MTAP: variants seen among roughly 807,000 people sequenced by gnomAD.
The protein encoded by MTAP is methylthioadenosine phosphorylase, also known as S-methyl-5'-thioadenosine phosphorylase.
Under a neutral mutation model 33.6 loss-of-function variants are expected in MTAP, and 33 were observed. The ratio of observed to expected loss-of-function variants is 0.98; its 90% CI spans 0.74 to 1.31. The LOEUF (loss-of-function observed/expected upper bound fraction) is 1.31. Among genes scored for constraint, MTAP ranks in the 40% most tolerant of loss-of-function variants. MTAP has a pLI of 0.00. For missense variants in MTAP, 367 were observed against 360.0 expected, an observed-to-expected ratio of 1.02 and a Z score of -0.16; for synonymous variants, 148 against 125.7, an observed-to-expected ratio of 1.18 and a Z score of -1.19.
At chr9:21,881,479 T>TG (rs1191049101) in intron 1 of MTAP, among the ~76,000 whole-genome samples, 2 of 152,018 alleles carry the variant, frequency 1.3e-5, no homozygotes, top group Non-Finnish European at 2.9e-5. Flanking sequence ...GAGCAGCACT[T>TG]GCAAACCATA....
At chr9:21,858,260 AG>A (rs1825679906) in intron 6 of MTAP, among the ~76,000 whole-genome samples, 1 of 152,238 alleles carries the variant, frequency 6.6e-6, no homozygotes, top group South Asian at 2.1e-4. Flanking sequence ...ACATCTTTCT[AG>A]ACCATATTAA....
intron 1 of MTAP, among the ~76,000 whole-genome samples, chr9:21,890,020 T>C (rs1042453420): frequency 2.0e-5 from 3 of 152,112 alleles, no homozygotes; most frequent in African/African-American, 7.2e-5. Context: ...AGATTATGTC[T>C]TTTGTCTTCA....
intron 1 of MTAP, among the ~76,000 whole-genome samples, chr9:21,896,652 G>A (rs1353574980): frequency 1.3e-5 from 2 of 152,022 alleles, no homozygotes; most frequent in East Asian, 3.9e-4. Context: ...ATAAATTCCT[G>A]GATACATACA....
chr9:21,822,443 G>A (rs934003223), intron 4 of MTAP, among the ~76,000 whole-genome samples: 6 of 152,022 alleles, frequency 3.9e-5, no homozygotes, highest in African/African-American at 7.2e-5. Flanking sequence ...AGCAGTTTTG[G>A]GTGAGTTTCT....
chr9:21,882,857 A>G (rs1187309331), intron 1 of MTAP, among the ~76,000 whole-genome samples: 2 of 152,064 alleles, frequency 1.3e-5, no homozygotes, highest in Non-Finnish European at 2.9e-5. Context: ...ACACTTTTAA[A>G]TAATTCATAT....
At chr9:21,821,521 G>A (rs1824638705) in intron 4 of MTAP, among the ~76,000 whole-genome samples, 3 of 152,314 alleles carry the variant, frequency 2.0e-5, no homozygotes, top group South Asian at 2.1e-4. Context: ...GCTGGATTCA[G>A]TTTGCCAGTA....
rs35709813 is a variant in MTAP at position 21,818,317 on chromosome 9, CTTTTTTTTTTT to C, written c.347+132_347+142del. ...GAGGGCAGTGCCACAGACTCGCTTG[CTTTTTTTTTTT>C]TTTTTTTTTTTTTTTTGGAGACGGA... On this transcript the variant is annotated intron_variant, in intron 4 of 7. Transcript: ENST00000644715. 2.6e-4 allele frequency: 63 copies of C among 240,894 alleles called. 1 individual carries two copies. The highest frequency in any genetic ancestry group is 1.4e-3 in the African/African-American group (33 of 23,788). 14.9% of individuals were successfully genotyped at this position (240,894 alleles called of 1,614,324 possible).
chr9:21,820,022 T>C (rs201226357), intron 4 of MTAP, among the ~76,000 whole-genome samples: 1 of 152,190 alleles, frequency 6.6e-6, no homozygotes, highest in Non-Finnish European at 1.5e-5. Context: ...GTTTGAGTTC[T>C]TTGTAGATTC....
chr9:21,811,371 G>A (rs993036645), intron 1 of MTAP, among the ~76,000 whole-genome samples: 1 of 152,150 alleles, frequency 6.6e-6, no homozygotes, highest in Non-Finnish European at 1.5e-5. Context: ...TTCTGACCAG[G>A]TGAACTGGTA....
chr9:21,838,095 G>A (rs1044844527), intron 5 of MTAP, 85 bp downstream of exon 5: 2 of 1,066,606 alleles, frequency 1.9e-6, no homozygotes, highest in Non-Finnish European at 1.4e-6. Context: ...GGCAGAGCGA[G>A]TGGCCCCATA....
At chr9:21,816,646 G>A in intron 2 of MTAP, 68 bp from the exon 3 acceptor site, 1 of 1,402,188 alleles carries the variant, frequency 7.1e-7, no homozygotes, top group Non-Finnish European at 1.0e-6. Context: ...TGTTGTGGTT[G>A]AACAATTATA....
intron 1 of MTAP, among the ~76,000 whole-genome samples, chr9:21,901,263 A>G (rs1818388546): frequency 6.6e-6 from 1 of 152,234 alleles, no homozygotes; most frequent in African/African-American, 2.4e-5. Context: ...GGAAAGGCTC[A>G]ATGTTACAAA....
At chr9:21,876,255 A>G (rs1305024245) in intron 1 of MTAP, among the ~76,000 whole-genome samples, 1 of 151,928 alleles carries the variant, frequency 6.6e-6, no homozygotes, top group Non-Finnish European at 1.5e-5. Flanking sequence ...TTCCTTATAG[A>G]TGCTGTATAT....
chr9:21,899,194 G>C (rs1818346819), intron 1 of MTAP, among the ~76,000 whole-genome samples: 1 of 139,630 alleles, frequency 7.2e-6, no homozygotes, highest in African/African-American at 2.7e-5. Flanking sequence ...GAGAACACCT[G>C]GACACAGGAA....
chr9:21,802,843 CG>C (rs1587186638), intron 1 of MTAP, 62 bp downstream of exon 1: 13 of 1,598,492 alleles, frequency 8.1e-6, no homozygotes, highest in Non-Finnish European at 9.4e-6. Flanking sequence ...GCCCCCGCGC[CG>C]GGGGACCGCG....
intron 1 of MTAP, among the ~76,000 whole-genome samples, chr9:21,918,594 G>A (rs559418717): frequency 9.9e-5 from 15 of 152,062 alleles, no homozygotes; most frequent in African/African-American, 3.4e-4. Context: ...CTGCATCCTC[G>A]CCCAAATCTC....
At chr9:21,825,230 G>A (rs1164506580) in intron 4 of MTAP, among the ~76,000 whole-genome samples, 3 of 152,092 alleles carry the variant, frequency 2.0e-5, no homozygotes, top group African/African-American at 7.2e-5. Flanking sequence ...TTCCTATTAG[G>A]CCATCTTGGA....
chr9:21,835,125 T>C (rs1825072850), intron 4 of MTAP, among the ~76,000 whole-genome samples: 1 of 152,180 alleles, frequency 6.6e-6, no homozygotes, highest in Non-Finnish European at 1.5e-5. Context: ...TATTGTGTCC[T>C]TACATGGTGG....
intron 1 of MTAP, among the ~76,000 whole-genome samples, chr9:21,887,622 T>G (rs1472214920): frequency 1.3e-5 from 2 of 152,230 alleles, no homozygotes; most frequent in Admixed American, 6.5e-5. Context: ...TTTGGGTATA[T>G]ACCCAGTAAT....
Sources: allele counts gnomAD v4.1 joint callset (sites outside exome capture counted in the v4.1 genomes callset), GRCh38; gene constraint gnomAD v4.1.1; transcripts MANE v1.5; gene names NCBI Gene and HGNC (gene_info 2026-07-23, HGNC 2026-07-21).